The following NRP1 variants were observed in gnomAD, a reference collection of about 807,000 sequenced individuals.
The protein encoded by NRP1 is neuropilin 1, also known as neuropilin-1.
NRP1 carries 35 observed loss-of-function variants against 106.7 expected under a neutral mutation model. That is an observed-to-expected ratio of 0.33 (90% confidence interval 0.25 to 0.43). The LOEUF is 0.43. Ranked by LOEUF, NRP1 falls within the 20% of genes least tolerant of loss-of-function variation. The pLI is 1.00. For missense variants in NRP1, 1,024 were observed against 1,170.4 expected (o/e 0.87, Z 1.83); for synonymous variants, 437 against 417.9 (o/e 1.05, Z -0.56).
At chr10:33,311,633 A>G (rs949900765) in intron 2 of NRP1, among the ~76,000 whole-genome samples, 5 of 152,240 alleles carry the variant, frequency 3.3e-5, no homozygotes, top group Admixed American at 1.3e-4. Flanking sequence ...GTAGTAAGCA[A>G]CAAATGAAGT....
chr10:33,318,772 G>C (rs1410506011), intron 2 of NRP1, among the ~76,000 whole-genome samples: 26 of 141,984 alleles, frequency 1.8e-4, no homozygotes, highest in African/African-American at 6.1e-4. Context: ...TGGTTTTGGT[G>C]GCCAAAACCA....
At chr10:33,199,365 T>TTTTATATATATATATATATATATATATA (rs57582967) in intron 11 of NRP1, among the ~76,000 whole-genome samples, 2 of 64,268 alleles carry the variant, frequency 3.1e-5, no homozygotes, top group African/African-American at 1.0e-4. Context: ...CCTGGCTGTT[T>TTTTATATATATATATATATATATATATA]TCTATATATA....
intron 13 of NRP1, among the ~76,000 whole-genome samples, chr10:33,188,189 A>G (rs1335191662): frequency 1.3e-5 from 2 of 152,092 alleles, no homozygotes; most frequent in East Asian, 3.9e-4. Context: ...CTGTCCCCTC[A>G]ATCTTACGGA....
At chr10:33,305,723 A>G (rs2132735410) in intron 2 of NRP1, among the ~76,000 whole-genome samples, 1 of 151,914 alleles carries the variant, frequency 6.6e-6, no homozygotes, top group South Asian at 2.1e-4. Flanking sequence ...TGATAACGGG[A>G]ACACAATTTT....
At chr10:33,238,039 A>G (rs935354615) in intron 6 of NRP1, among the ~76,000 whole-genome samples, 7 of 152,204 alleles carry the variant, frequency 4.6e-5, no homozygotes, top group Admixed American at 3.3e-4. Flanking sequence ...CAGAAGGACA[A>G]TGAAATCTTC....
intron 10 of NRP1, among the ~76,000 whole-genome samples, chr10:33,205,065 C>T (rs1453868806): frequency 6.6e-6 from 1 of 152,190 alleles, no homozygotes; most frequent in African/African-American, 2.4e-5. Flanking sequence ...TAAGTGCTAG[C>T]ACAAAATAGG....
chr10:33,317,954 G>A (rs1158857165), intron 2 of NRP1, among the ~76,000 whole-genome samples: 1 of 152,196 alleles, frequency 6.6e-6, no homozygotes, highest in African/African-American at 2.4e-5. Context: ...TCCTCCTAAG[G>A]ATGCAGACGT....
At chr10:33,233,203 C>T (rs1308218005) in intron 6 of NRP1, among the ~76,000 whole-genome samples, 9 of 152,088 alleles carry the variant, frequency 5.9e-5, no homozygotes, top group East Asian at 1.9e-4. Flanking sequence ...CAGTTTTCCT[C>T]ACCACTTCTA....
intron 6 of NRP1, among the ~76,000 whole-genome samples, chr10:33,241,193 G>C (rs1388894106): frequency 6.6e-6 from 1 of 152,076 alleles, no homozygotes; most frequent in Non-Finnish European, 1.5e-5. Flanking sequence ...AATGAGGAAG[G>C]AAAAAATGTT....
intron 8 of NRP1, among the ~76,000 whole-genome samples, chr10:33,214,329 A>T (rs1285026722): frequency 6.6e-6 from 1 of 152,154 alleles, no homozygotes; most frequent in African/African-American, 2.4e-5. Context: ...TCTCAAATGT[A>T]CCACAAGCAG....
rs1380797143 is a variant in NRP1, at chr10:33,179,905, C to A, written c.*171G>T. The A allele has an allele frequency of 4.3e-6, 3 of 690,372 alleles. No homozygotes were observed. Among genetic ancestry groups the A allele is most frequent in the Admixed American group, 4.9e-5 (2 of 40,940 alleles). 42.8% of individuals were successfully genotyped at this position (690,372 alleles called of 1,614,324 possible). On this transcript the variant is annotated 3_prime_UTR_variant, in exon 17 of 17. Coordinates refer to ENST00000374867, the MANE Select transcript of NRP1 (RefSeq NM_003873.7). The stretch of plus-strand genomic sequence containing the variant: ...CTGCACATGAGTCCGATGGTGAACA[C>A]AGCTCCTTGTCCATGTCTGTCGGCC...
intron 2 of NRP1, among the ~76,000 whole-genome samples, chr10:33,292,583 G>A (rs1309647202): frequency 1.3e-5 from 2 of 152,142 alleles, no homozygotes; most frequent in Non-Finnish European, 2.9e-5. Context: ...GGTGAAAGAG[G>A]GCATCCGAGA....
chr10:33,207,355 A>C (rs1837869044), intron 10 of NRP1, among the ~76,000 whole-genome samples: 2 of 152,002 alleles, frequency 1.3e-5, no homozygotes, highest in Middle Eastern at 3.4e-3. Context: ...TAATCCGAGG[A>C]GAGTCATGCA....
chr10:33,268,937 G>C (rs1483001871), intron 3 of NRP1, among the ~76,000 whole-genome samples: 3 of 152,166 alleles, frequency 2.0e-5, no homozygotes, highest in African/African-American at 7.2e-5. Context: ...TGTGGTGTCA[G>C]AGCCAAATAT....
At chr10:33,196,950 T>C (rs1836829193) in intron 12 of NRP1, among the ~76,000 whole-genome samples, 1 of 152,154 alleles carries the variant, frequency 6.6e-6, no homozygotes, top group Admixed American at 6.5e-5. Context: ...ATTTAAAACC[T>C]CTGATTGCTT....
intron 6 of NRP1, among the ~76,000 whole-genome samples, chr10:33,226,689 T>TTCTC (rs907734440): frequency 1.3e-4 from 20 of 152,212 alleles, no homozygotes; most frequent in African/African-American, 4.6e-4. Flanking sequence ...CTACAACATA[T>TTCTC]TCTCTCTGAA....
intron 9 of NRP1, among the ~76,000 whole-genome samples, chr10:33,207,964 C>T (rs1337365264): frequency 6.6e-6 from 1 of 152,082 alleles, no homozygotes; most frequent in Non-Finnish European, 1.5e-5. Flanking sequence ...CTCACTCTGT[C>T]GCCCAGGGTG....
At chr10:33,239,078 C>T (rs368485245) in intron 6 of NRP1, among the ~76,000 whole-genome samples, 153 of 152,076 alleles carry the variant, frequency 1.0e-3, no homozygotes, top group African/African-American at 3.6e-3. Context: ...ATCACTTGAG[C>T]TCAGGAGTTC....
At chr10:33,185,934 G>A (rs946971757) in intron 14 of NRP1, among the ~76,000 whole-genome samples, 3 of 152,130 alleles carry the variant, frequency 2.0e-5, no homozygotes, top group South Asian at 2.1e-4. Context: ...ACTTTAAAAC[G>A]GGAGAAAGCA....
Sources: gnomAD v4.1 joint callset for allele counts (sites outside exome capture counted in the v4.1 genomes callset) on GRCh38, gnomAD v4.1.1 for gene constraint, MANE v1.5 for transcripts, NCBI Gene and HGNC (gene_info 2026-07-23, HGNC 2026-07-21) for gene names.